The following SUSD3 variants were observed in gnomAD, a reference collection of about 807,000 sequenced individuals.
SUSD3 encodes sushi domain-containing protein 3.
In SUSD3, 18 loss-of-function variants were observed where a neutral mutation model predicts 20.6. The observed-to-expected ratio is 0.87, with a 90% CI of 0.60 to 1.30. The LOEUF is 1.30. Among genes scored for constraint, SUSD3 ranks in the 50% most tolerant of loss-of-function variants. The pLI is 0.00. For synonymous variants in SUSD3, 137 were observed against 141.5 expected (o/e 0.97, Z 0.23); for missense variants, 306 against 346.9 (o/e 0.88, Z 0.94).
chr9:93,066,722 A>AT (rs58046610), intron 1 of SUSD3, among the ~76,000 whole-genome samples: 54,883 of 151,458 alleles, frequency 0.36, 16,197 homozygotes, highest in African/African-American at 0.82. Context: ...ATTTTATTTT[A>AT]TTTTTTGAGA....
intron 1 of SUSD3, among the ~76,000 whole-genome samples, chr9:93,062,448 C>T (rs1029322919): frequency 6.6e-6 from 1 of 152,218 alleles, no homozygotes; most frequent in Non-Finnish European, 1.5e-5. Flanking sequence ...CAACCATGGG[C>T]TGGGGAACAG....
chr9:93,069,120 GA>G, intron 1 of SUSD3: 2 of 702,800 alleles, frequency 2.8e-6, no homozygotes, highest in Non-Finnish European at 5.2e-6. Context: ...TAGGCCTTGT[GA>G]TGGAATGGGA....
At chr9:93,077,729 TGCCCAGGCCCTGTCTAC>T in intron 2 of SUSD3, 100 bp from the exon 3 acceptor site, 1 of 1,077,860 alleles carries the variant, frequency 9.3e-7, no homozygotes, top group East Asian at 2.5e-5. Context: ...CACTGAGGGC[TGCCCAGGCCCTGTCTAC>T]ACCCAGGCCC....
Position 93,058,781 on chromosome 9 carries a change from G to T in SUSD3, c.39G>T (p.Arg13Ser). 1 of 1,240,406 alleles carries T rather than the reference G, an allele frequency of 8.1e-7. No homozygotes were observed. The highest frequency in any genetic ancestry group is 1.0e-6 in the Non-Finnish European group (1 of 992,124). The allele number at this position is 1,240,406 out of a possible 1,614,324, so 76.8% of individuals were successfully genotyped here. A position where few individuals can be genotyped will look rare whatever the true frequency, so the allele number is the denominator to read the frequency against. The change falls in exon 1 of 5, where the codon AGG becomes AGT. Residue 13 changes from arginine (R) to serine (S), a missense_variant. Transcript: ENST00000375472. ...CCGCCACCCTCCGTGGCAAGGCGAG[G>T]CCCCGGGGGCGGGCCGGGGTCACCA... ...WAAATLRGKA[R>S]PRGRAGVTTP...
chr9:93,083,687 C>A (rs1019925851), intron 4 of SUSD3, among the ~76,000 whole-genome samples: 2 of 152,220 alleles, frequency 1.3e-5, no homozygotes, highest in Non-Finnish European at 2.9e-5. Flanking sequence ...GCTCCTGCCT[C>A]CCCGAAGCTG....
At chr9:93,078,270 T>A (rs949322974) in intron 3 of SUSD3, among the ~76,000 whole-genome samples, 8 of 152,304 alleles carry the variant, frequency 5.3e-5, no homozygotes, top group Admixed American at 2.0e-4. Flanking sequence ...TTATTTATTT[T>A]TTTTGAGACG....
At chr9:93,078,031 G>T (rs1283005904) in intron 3 of SUSD3, 38 bp downstream of exon 3, 7 of 1,613,510 alleles carry the variant, frequency 4.3e-6, no homozygotes, top group Non-Finnish European at 4.2e-6. Context: ...CTCCCGGGAG[G>T]CGCCTCTTGG....
chr9:93,075,751 C>CCCCCCCCCCCCCCCCCCA, intron 1 of SUSD3, 33 bp from the exon 2 acceptor site: 2 of 248,754 alleles, frequency 8.0e-6, no homozygotes, highest in South Asian at 4.3e-5. Flanking sequence ...CCCCCCCCCC[C>CCCCCCCCCCCCCCCCCCA]CCGCCATGCC....
At chr9:93,068,058 T>C (rs1825781533) in intron 1 of SUSD3, among the ~76,000 whole-genome samples, 1 of 152,246 alleles carries the variant, frequency 6.6e-6, no homozygotes, top group Non-Finnish European at 1.5e-5. Context: ...TTTTCAATTT[T>C]GTTGTCTTCT....
intron 1 of SUSD3, among the ~76,000 whole-genome samples, chr9:93,071,444 A>G (rs542182207): frequency 6.6e-6 from 1 of 152,286 alleles, no homozygotes; most frequent in South Asian, 2.1e-4. Context: ...AGCATGGGAG[A>G]AAGATGAAGG....
chr9:93,068,977 ATATAT>A (rs1259475981), intron 1 of SUSD3: 3 of 565,372 alleles, frequency 5.3e-6, no homozygotes, highest in Non-Finnish European at 9.5e-6. Context: ...AATTATAACA[ATATAT>A]TATAATAAGA....
chr9:93,069,721 G>A (rs1275713549), intron 1 of SUSD3, among the ~76,000 whole-genome samples: 3 of 151,738 alleles, frequency 2.0e-5, no homozygotes, highest in African/African-American at 7.3e-5. Flanking sequence ...GATTTCTGAG[G>A]CTTTTCTACA....
At chr9:93,071,319 G>T (rs955664542) in intron 1 of SUSD3, among the ~76,000 whole-genome samples, 2 of 152,242 alleles carry the variant, frequency 1.3e-5, no homozygotes, top group African/African-American at 4.8e-5. Context: ...GGAAGACAGT[G>T]CAGCCTTCAG....
intron 1 of SUSD3, among the ~76,000 whole-genome samples, chr9:93,059,096 G>T (rs915304251): frequency 2.0e-5 from 3 of 152,160 alleles, no homozygotes; most frequent in African/African-American, 7.2e-5. Context: ...CCTTGGTCCC[G>T]GGCGTCTGCG....
intron 4 of SUSD3, among the ~76,000 whole-genome samples, chr9:93,081,756 TC>T (rs1215618783): frequency 6.6e-6 from 1 of 152,192 alleles, no homozygotes; most frequent in African/African-American, 2.4e-5. Context: ...CATTGATACT[TC>T]TGCACTTAGC....
chr9:93,060,259 G>A (rs1825453218), intron 1 of SUSD3, among the ~76,000 whole-genome samples: 1 of 152,088 alleles, frequency 6.6e-6, no homozygotes, highest in Non-Finnish European at 1.5e-5. Context: ...CCCCCTTGTT[G>A]GAGTTTTGGG....
chr9:93,058,923 C>T, intron 1 of SUSD3, 93 bp downstream of exon 1: 2 of 721,938 alleles, frequency 2.8e-6, no homozygotes, highest in Non-Finnish European at 3.9e-6. Context: ...GCCGCACAGC[C>T]GTGGGTGGGG....
At chr9:93,065,127 G>A (rs4077177) in intron 1 of SUSD3, among the ~76,000 whole-genome samples, 25,165 of 152,154 alleles carry the variant, frequency 0.17, 2,152 homozygotes, top group South Asian at 0.28. Context: ...GTGCCCAGGG[G>A]ATCAGTTACA....
At chr9:93,059,496 C>T (rs1825424228) in intron 1 of SUSD3, among the ~76,000 whole-genome samples, 1 of 152,154 alleles carries the variant, frequency 6.6e-6, no homozygotes, top group African/African-American at 2.4e-5. Context: ...CCCAAGGCTC[C>T]GGGGTTCGAA....
Sources: gnomAD v4.1 joint callset for allele counts (sites outside exome capture counted in the v4.1 genomes callset) on GRCh38, gnomAD v4.1.1 for gene constraint, MANE v1.5 for transcripts, NCBI Gene and HGNC (gene_info 2026-07-23, HGNC 2026-07-21) for gene names.